WWTR1: variants seen among roughly 807,000 people sequenced by gnomAD.
The protein encoded by WWTR1 is WW domain-containing transcription regulator protein 1.
In WWTR1, 13 loss-of-function variants were observed where a neutral mutation model predicts 40.1. That is an observed-to-expected ratio of 0.32 (90% confidence interval 0.21 to 0.52). The LOEUF (loss-of-function observed/expected upper bound fraction) is 0.52, where lower values mean the gene tolerates loss of function less well. WWTR1 is among the 20% of genes least tolerant of loss of function. WWTR1 has a pLI of 0.97. For synonymous variants in WWTR1, 230 were observed against 210.1 expected (o/e 1.09, Z -0.82); for missense variants, 436 against 523.1 (o/e 0.83, Z 1.63).
intron 1 of WWTR1, among the ~76,000 whole-genome samples, chr3:149,674,812 T>TA (rs1253336259): frequency 1.2e-5 from 1 of 81,404 alleles, no homozygotes; most frequent in Non-Finnish European, 2.7e-5. Context: ...CTCTTGGTGC[T>TA]AGTTTTGACA....
At chr3:149,557,228 G>A (rs1004256226) in intron 3 of WWTR1, among the ~76,000 whole-genome samples, 1 of 151,518 alleles carries the variant, frequency 6.6e-6, no homozygotes, top group African/African-American at 2.4e-5. Flanking sequence ...CCACCACCAC[G>A]CCCAGCTAAT....
intron 6 of WWTR1, among the ~76,000 whole-genome samples, chr3:149,522,943 G>T: frequency 6.6e-6 from 1 of 151,792 alleles, no homozygotes; most frequent in Admixed American, 6.6e-5. Context: ...GCGCACCCCT[G>T]TAATCCCAGC....
upstream of WWTR1, among the ~76,000 whole-genome samples, chr3:149,662,027 G>C (rs572800670): frequency 6.6e-5 from 10 of 152,064 alleles, no homozygotes; most frequent in Non-Finnish European, 8.8e-5. Flanking sequence ...CACCTCGCCC[G>C]GCCAAATAAA....
At chr3:149,694,950 AC>A (rs1714937745) in intron 1 of WWTR1, among the ~76,000 whole-genome samples, 2 of 152,370 alleles carry the variant, frequency 1.3e-5, no homozygotes, top group African/African-American at 4.8e-5. Flanking sequence ...AAAATATGGT[AC>A]ACATACACAA....
At chr3:149,611,899 CA>C (rs1739752557) in intron 2 of WWTR1, among the ~76,000 whole-genome samples, 1 of 152,198 alleles carries the variant, frequency 6.6e-6, no homozygotes, top group South Asian at 2.1e-4. Flanking sequence ...GTTTGCATGT[CA>C]GTTTAATTTC....
chr3:149,608,862 G>A (rs1334837356), intron 2 of WWTR1, among the ~76,000 whole-genome samples: 1 of 151,968 alleles, frequency 6.6e-6, no homozygotes, highest in African/African-American at 2.4e-5. Context: ...AGACCAGCCT[G>A]GGCAACATGG....
chr3:149,676,099 C>T (rs16862141), intron 1 of WWTR1, among the ~76,000 whole-genome samples: 1,698 of 152,216 alleles, frequency 0.011, 32 homozygotes, highest in African/African-American at 0.039. Context: ...CTAATGTCCA[C>T]ACCTAATACC....
chr3:149,712,612 C>A (rs1715503841), intron 5 of WWTR1, among the ~76,000 whole-genome samples: 1 of 152,140 alleles, frequency 6.6e-6, no homozygotes, highest in South Asian at 2.1e-4. Flanking sequence ...GGTTGTGTAA[C>A]CCATCTGCTT....
chr3:149,606,262 T>C (rs921966174), intron 2 of WWTR1, among the ~76,000 whole-genome samples: 3 of 152,212 alleles, frequency 2.0e-5, no homozygotes, highest in Admixed American at 6.5e-5. Flanking sequence ...ACATACTAAT[T>C]ATTTCATGCA....
chr3:149,635,337 G>A (rs980186434), intron 2 of WWTR1, among the ~76,000 whole-genome samples: 3 of 152,206 alleles, frequency 2.0e-5, no homozygotes, highest in African/African-American at 7.2e-5. Context: ...TCTTTGAGAT[G>A]AGGTTTAAGT....
chr3:149,672,023 A>T (rs1714103985), intron 1 of WWTR1, among the ~76,000 whole-genome samples: 2 of 152,060 alleles, frequency 1.3e-5, no homozygotes, highest in South Asian at 4.2e-4. Context: ...AATTCCTTTC[A>T]TCTTATGGCT....
chr3:149,559,050 T>G (rs1340447257), intron 3 of WWTR1, among the ~76,000 whole-genome samples: 3 of 152,040 alleles, frequency 2.0e-5, no homozygotes, highest in Non-Finnish European at 4.4e-5. Flanking sequence ...TCCCAGCACT[T>G]TGGGAGGCCA....
intron 1 of WWTR1, among the ~76,000 whole-genome samples, chr3:149,685,027 A>G (rs996542704): frequency 2.6e-5 from 4 of 152,130 alleles, no homozygotes; most frequent in South Asian, 2.1e-4. Flanking sequence ...TATCTGTTTC[A>G]TCATTTGTAG....
At chr3:149,667,323 G>A (rs952666816) in intron 2 of WWTR1, among the ~76,000 whole-genome samples, 15 of 151,262 alleles carry the variant, frequency 9.9e-5, no homozygotes, top group African/African-American at 3.6e-4. Flanking sequence ...GAGGGGGGGT[G>A]GATCATGAGG....
At chr3:149,540,232 G>A (rs748977092) in intron 4 of WWTR1, 4 of 456,458 alleles carry the variant, frequency 8.8e-6, no homozygotes, top group South Asian at 1.5e-5. Context: ...GCAGCACAAC[G>A]CCCCACGTTC....
intron 3 of WWTR1, among the ~76,000 whole-genome samples, chr3:149,545,206 G>T (rs1311357529): frequency 6.6e-6 from 1 of 152,174 alleles, no homozygotes; most frequent in Non-Finnish European, 1.5e-5. Context: ...GTTTTGCACA[G>T]ATGGTGTCGC....
intron 3 of WWTR1, among the ~76,000 whole-genome samples, chr3:149,563,298 G>A (rs898125734): frequency 6.6e-6 from 1 of 152,126 alleles, no homozygotes; most frequent in Non-Finnish European, 1.5e-5. Context: ...CCCCAGGTGT[G>A]GGGGTGCTTC....
chr3:149,543,282 A>G (rs780003699), intron 3 of WWTR1, among the ~76,000 whole-genome samples: 3 of 152,244 alleles, frequency 2.0e-5, no homozygotes, highest in Non-Finnish European at 2.9e-5. Context: ...AAATTTCAGC[A>G]TATAGAACTT....
chr3:149,560,612 C>G (rs1459190115), intron 3 of WWTR1, among the ~76,000 whole-genome samples: 1 of 152,158 alleles, frequency 6.6e-6, no homozygotes, highest in East Asian at 1.9e-4. Context: ...TAAATGAAGG[C>G]CTTGTGAACC....
Sources: allele counts gnomAD v4.1 joint callset (sites outside exome capture counted in the v4.1 genomes callset), GRCh38; gene constraint gnomAD v4.1.1; transcripts MANE v1.5; gene names NCBI Gene and HGNC (gene_info 2026-07-23, HGNC 2026-07-21).